The following RNF130 variants were observed in gnomAD, a reference collection of about 807,000 sequenced individuals.
RNF130 encodes E3 ubiquitin-protein ligase RNF130.
RNF130 carries 21 observed loss-of-function variants against 44.6 expected under a neutral mutation model. The ratio of observed to expected loss-of-function variants is 0.47; its 90% CI spans 0.33 to 0.68. The LOEUF is 0.68. Ranked by LOEUF, RNF130 falls within the 30% of genes least tolerant of loss-of-function variation. The pLI is 0.02. For synonymous variants in RNF130, 214 were observed against 210.4 expected, an observed-to-expected ratio of 1.02 and a Z score of -0.15; for missense variants, 479 against 560.6, an observed-to-expected ratio of 0.85 and a Z score of 1.47.
intron 2 of RNF130, among the ~76,000 whole-genome samples, chr5:180,020,928 A>G (rs1459930353): frequency 1.3e-5 from 2 of 152,198 alleles, no homozygotes. Context: ...TCAACTGAGT[A>G]GTTCTGTCCA....
chr5:179,942,805 C>T (rs1421190342), intron 7 of RNF130, among the ~76,000 whole-genome samples: 3 of 152,170 alleles, frequency 2.0e-5, no homozygotes, highest in Non-Finnish European at 2.9e-5. Context: ...ACATCCTCTG[C>T]GAATTTGCTG....
intron 6 of RNF130, 126 bp from the exon 7 acceptor site, chr5:179,967,136 C>A: frequency 1.3e-6 from 1 of 772,706 alleles, no homozygotes; most frequent in Admixed American, 2.6e-5. Context: ...CCTGTGATGT[C>A]CTCTCATTTA....
At chr5:180,008,977 GA>G (rs1423568003) in intron 3 of RNF130, among the ~76,000 whole-genome samples, 4 of 151,322 alleles carry the variant, frequency 2.6e-5, no homozygotes, top group South Asian at 4.2e-4. Context: ...AGTCTCAAAA[GA>G]AAAAAATACA....
rs1369683656 is a variant in RNF130 at position 180,034,871 on chromosome 5, T to C, written c.442+5582A>G. Reference sequence around the variant, plus strand: ...TAAAGTTCTTCACAATATTCCTTTATAATCCTTTAAGTTTCTGTAGAGTCA... The same window carrying C: ...TAAAGTTCTTCACAATATTCCTTTACAATCCTTTAAGTTTCTGTAGAGTCA... On this transcript the variant is annotated intron_variant, in intron 2 of 8. Coordinates refer to ENST00000521389, the MANE Select transcript of RNF130 (RefSeq NM_018434.6). Among the ~76,000 whole-genome samples, 4 of 152,206 alleles carry C rather than the reference T, an allele frequency of 2.6e-5. No individual in the cohort carries two copies. The East Asian group carries it at 7.7e-4, about 29-fold the overall frequency.
intron 2 of RNF130, among the ~76,000 whole-genome samples, chr5:180,019,893 C>T (rs1019595536): frequency 2.0e-5 from 3 of 152,160 alleles, no homozygotes; most frequent in Admixed American, 6.5e-5. Context: ...AACTGAGTCA[C>T]GGAACGGTGA....
At position 180,041,470 on chromosome 5, in the gene RNF130, G is replaced by A. The variant is rs181865659; in HGVS notation, c.248-823C>T. 1.1e-4 allele frequency among the ~76,000 whole-genome samples: 17 copies of A among 152,242 alleles called. 1 individual carries two copies. The highest frequency in any genetic ancestry group is 9.8e-4 in the Admixed American group (15 of 15,298). On this transcript the variant is annotated intron_variant, in intron 1 of 8. Coordinates refer to ENST00000521389, the MANE Select transcript of RNF130 (RefSeq NM_018434.6). The stretch of plus-strand genomic sequence containing the variant: ...TACATTTAAATCTGTCAGAGTAAGC[G>A]CCTCAATTTTTCACTCTGCACATAT...
At chr5:179,941,175 C>G (rs1425196958) in intron 7 of RNF130, among the ~76,000 whole-genome samples, 2 of 151,980 alleles carry the variant, frequency 1.3e-5, no homozygotes. Flanking sequence ...CCTTTTTGGT[C>G]ATTTGGTCTT....
intron 2 of RNF130, among the ~76,000 whole-genome samples, chr5:180,035,489 G>A (rs1477517654): frequency 2.0e-5 from 3 of 152,218 alleles, no homozygotes. Context: ...AGTATGTAGA[G>A]TGTGCTACAT....
intron 5 of RNF130, among the ~76,000 whole-genome samples, chr5:179,973,229 C>T (rs1762626150): frequency 6.6e-6 from 1 of 152,122 alleles, no homozygotes; most frequent in South Asian, 2.1e-4. Context: ...ATGGCACATC[C>T]CTCGCTTCCA....
chr5:180,061,547 C>T (rs1764987019), intron 1 of RNF130, among the ~76,000 whole-genome samples: 1 of 152,206 alleles, frequency 6.6e-6, no homozygotes, highest in Non-Finnish European at 1.5e-5. Context: ...ACCTCCAGCC[C>T]CTCTCCCAGC....
At chr5:180,066,221 C>T (rs1191475823) in intron 1 of RNF130, among the ~76,000 whole-genome samples, 2 of 152,150 alleles carry the variant, frequency 1.3e-5, no homozygotes, top group African/African-American at 4.8e-5. Context: ...ATACTATTCT[C>T]GTGATAGTGA....
intron 6 of RNF130, among the ~76,000 whole-genome samples, chr5:179,969,410 C>T (rs992915506): frequency 6.6e-6 from 1 of 151,862 alleles, no homozygotes; most frequent in Non-Finnish European, 1.5e-5. Flanking sequence ...AGAACATAAG[C>T]AATGACATCG....
At chr5:179,979,433 G>C (rs1192720583) in intron 4 of RNF130, among the ~76,000 whole-genome samples, 1 of 151,864 alleles carries the variant, frequency 6.6e-6, no homozygotes, top group African/African-American at 2.4e-5. Flanking sequence ...TATCCTTCCA[G>C]GCACAAGTCT....
chr5:179,960,404 G>A (rs1018653354), intron 8 of RNF130, among the ~76,000 whole-genome samples: 1 of 152,256 alleles, frequency 6.6e-6, no homozygotes, highest in African/African-American at 2.4e-5. Context: ...CAGAAGGGCA[G>A]TGACTCCAAA....
intron 4 of RNF130, among the ~76,000 whole-genome samples, chr5:179,978,556 C>T (rs1336189521): frequency 6.6e-6 from 1 of 151,850 alleles, no homozygotes; most frequent in Non-Finnish European, 1.5e-5. Context: ...TAATTTTTTC[C>T]AGGTTAGAAT....
intron 2 of RNF130, among the ~76,000 whole-genome samples, chr5:180,020,502 T>C (rs1319722473): frequency 6.6e-6 from 1 of 152,176 alleles, no homozygotes; most frequent in Non-Finnish European, 1.5e-5. Context: ...GCCATGCGTC[T>C]GCTGGGAAGC....
intron 7 of RNF130, chr5:179,934,295 A>C (rs459085): frequency 0.4 from 61,567 of 154,198 alleles, 13,188 homozygotes; most frequent in East Asian, 0.63. Context: ...ATGCATCTCC[A>C]GAACTTTTTC....
chr5:180,046,056 C>T (rs953731513), intron 1 of RNF130, among the ~76,000 whole-genome samples: 1 of 152,154 alleles, frequency 6.6e-6, no homozygotes, highest in East Asian at 1.9e-4. Flanking sequence ...GGGTGGGGCT[C>T]GGGCATGGCA....
intron 1 of RNF130, among the ~76,000 whole-genome samples, chr5:180,050,415 ACCCACCCAC>A (rs1184148734): frequency 6.6e-6 from 1 of 152,178 alleles, no homozygotes; most frequent in Non-Finnish European, 1.5e-5. Flanking sequence ...AATGGATAAG[ACCCACCCAC>A]ATTATGGAGA....
Sources: gnomAD v4.1 joint callset for allele counts (sites outside exome capture counted in the v4.1 genomes callset) on GRCh38, gnomAD v4.1.1 for gene constraint, MANE v1.5 for transcripts, NCBI Gene and HGNC (gene_info 2026-07-23, HGNC 2026-07-21) for gene names.